NRXN1: variants seen among roughly 807,000 people sequenced by gnomAD.
The protein encoded by NRXN1 is neurexin-1.
A neutral mutation model predicts 150.9 loss-of-function variants in NRXN1; 39 were observed. The ratio of observed to expected loss-of-function variants is 0.26; its 90% CI spans 0.20 to 0.34. NRXN1 has a LOEUF of 0.34. Ranked by LOEUF, NRXN1 falls within the 10% of genes least tolerant of loss-of-function variation. The pLI is 1.00. For missense variants in NRXN1, 1,815 were observed against 1,949.9 expected, an observed-to-expected ratio of 0.93 and a Z score of 1.30; for synonymous variants, 924 against 757.0, an observed-to-expected ratio of 1.22 and a Z score of -3.62.
At chr2:50,909,467 T>G (rs1462726031) in intron 5 of NRXN1, among the ~76,000 whole-genome samples, 3 of 152,002 alleles carry the variant, frequency 2.0e-5, no homozygotes, top group Middle Eastern at 3.2e-3. Flanking sequence ...TTTCTGTGAT[T>G]TTTCTGATTG....
intron 17 of NRXN1, among the ~76,000 whole-genome samples, chr2:50,305,571 G>C (rs1405566888): frequency 6.6e-6 from 1 of 152,148 alleles, no homozygotes; most frequent in Non-Finnish European, 1.5e-5. Flanking sequence ...ATCTTAACTT[G>C]AGTCATTAAC....
intron 15 of NRXN1, among the ~76,000 whole-genome samples, chr2:50,477,517 C>T (rs2090086984): frequency 6.6e-6 from 1 of 152,118 alleles, no homozygotes; most frequent in African/African-American, 2.4e-5. Flanking sequence ...TTCCTCTTCA[C>T]TTAAAATAGG....
chr2:50,812,964 A>G (rs959540440), intron 5 of NRXN1, among the ~76,000 whole-genome samples: 3 of 152,148 alleles, frequency 2.0e-5, no homozygotes, highest in Non-Finnish European at 4.4e-5. Context: ...AAATAAAAAG[A>G]TAATTGCCTG....
chr2:50,653,423 T>C (rs946922064), intron 5 of NRXN1, among the ~76,000 whole-genome samples: 2 of 152,040 alleles, frequency 1.3e-5, no homozygotes, highest in Admixed American at 6.6e-5. Context: ...TTAGTTGCTG[T>C]GATTGATTGA....
intron 2 of NRXN1, among the ~76,000 whole-genome samples, chr2:50,958,198 C>T (rs376713092): frequency 3.9e-5 from 6 of 152,002 alleles, no homozygotes; most frequent in South Asian, 2.1e-4. Flanking sequence ...GTCAAGGGAA[C>T]GAGAGATTCC....
chr2:50,984,611 A>G (rs1697397099), intron 2 of NRXN1, among the ~76,000 whole-genome samples: 1 of 152,094 alleles, frequency 6.6e-6, no homozygotes, highest in Non-Finnish European at 1.5e-5. Context: ...AGGGATTAAT[A>G]TTTCCAAAAT....
intron 22 of NRXN1, among the ~76,000 whole-genome samples, chr2:49,931,354 C>A (rs376763355): frequency 6.6e-6 from 1 of 152,052 alleles, no homozygotes; most frequent in African/African-American, 2.4e-5. Flanking sequence ...ACTGCATTTG[C>A]TTTCCCTATG....
chr2:50,218,382 T>A (rs1203055965), intron 18 of NRXN1, among the ~76,000 whole-genome samples: 1 of 152,012 alleles, frequency 6.6e-6, no homozygotes, highest in Non-Finnish European at 1.5e-5. Context: ...CAGCTCTTAG[T>A]ATGAATACCA....
intron 17 of NRXN1, among the ~76,000 whole-genome samples, chr2:50,357,179 G>C (rs991201754): frequency 6.6e-6 from 1 of 151,988 alleles, no homozygotes; most frequent in Non-Finnish European, 1.5e-5. Context: ...TAACATAGGA[G>C]GATCACTTTA....
Position 50,053,576 on chromosome 2 carries a change from T to A in NRXN1, c.3823A>T (p.Ile1275Phe), listed in dbSNP as rs1277075596. 1 of 1,613,968 alleles carries A rather than the reference T, an allele frequency of 6.2e-7. No individual in the cohort carries two copies. The highest frequency in any genetic ancestry group is 8.5e-7 in the Non-Finnish European group (1 of 1,179,894). ...ATTATGGTTGCTTGGCTATTGAAGA[T>A]TGTGAGCTGACGCCCTGTAAAAATA... ...WLLDKGRQLT[I>F]FNSQATIIIG... is the part of the protein sequence containing the mutation. The change falls in exon 21 of 23, where the codon ATC becomes TTC. Residue 1275 changes from isoleucine to phenylalanine, a missense_variant. By Grantham distance (21) the Ile-to-Phe change is conservative. Coordinates refer to ENST00000401669, the MANE Select transcript of NRXN1 (RefSeq NM_001330078.2).
chr2:50,060,633 G>A (rs1344034907), intron 19 of NRXN1, among the ~76,000 whole-genome samples: 1 of 152,122 alleles, frequency 6.6e-6, no homozygotes, highest in East Asian at 1.9e-4. Context: ...ATCCCCATGT[G>A]TCATGGGAGA....
intron 5 of NRXN1, among the ~76,000 whole-genome samples, chr2:50,856,729 A>C (rs925995760): frequency 2.0e-5 from 3 of 152,048 alleles, no homozygotes; most frequent in Non-Finnish European, 4.4e-5. Context: ...ATGATACTTA[A>C]TTACTTTTGT....
At chr2:50,134,811 T>C (rs11125289) in intron 18 of NRXN1, among the ~76,000 whole-genome samples, 36,774 of 152,112 alleles carry the variant, frequency 0.24, 5,634 homozygotes, top group African/African-American at 0.39. Context: ...ATACCATCAT[T>C]GATGAAATTG....
chr2:50,166,321 GTGTT>G (rs1264477249), intron 18 of NRXN1, among the ~76,000 whole-genome samples: 9 of 123,070 alleles, frequency 7.3e-5, no homozygotes, highest in African/African-American at 2.9e-4. Context: ...GTGTGTGTGT[GTGTT>G]TGTGTGTGTG....
chr2:50,522,719 CAT>C lies in NRXN1; in HGVS notation c.2374+5904_2374+5905del, dbSNP rs2092822887. ...TTCCATTTATTCATTTATTTTTATT[CAT>C]TTTTTTTTTTTTTTTTTTTTTTTTT... On this transcript the variant is annotated intron_variant, in intron 12 of 22. Coordinates refer to ENST00000401669, the MANE Select transcript of NRXN1 (RefSeq NM_001330078.2). Among the ~76,000 whole-genome samples the C allele has an allele frequency of 7.6e-4, 66 of 86,550 alleles. 15 individuals carry two copies. The highest frequency in any genetic ancestry group is 3.7e-3 in the African/African-American group (62 of 16,766). 56.8% of individuals were successfully genotyped at this position (86,550 alleles called of 152,430 possible). A position where few individuals can be genotyped will look rare whatever the true frequency, so the allele number is the denominator to read the frequency against.
intron 18 of NRXN1, among the ~76,000 whole-genome samples, chr2:50,187,048 C>G (rs1438695982): frequency 6.6e-6 from 1 of 151,944 alleles, no homozygotes; most frequent in East Asian, 1.9e-4. Flanking sequence ...TCCACTAAAA[C>G]AACATAAAAT....
chr2:50,672,758 T>C (rs1028969203), intron 5 of NRXN1, among the ~76,000 whole-genome samples: 1 of 152,044 alleles, frequency 6.6e-6, no homozygotes, highest in Non-Finnish European at 1.5e-5. Flanking sequence ...AAACTGATTA[T>C]TTTGAAATTT....
At chr2:50,976,330 T>C (rs556027202) in intron 2 of NRXN1, among the ~76,000 whole-genome samples, 134 of 152,068 alleles carry the variant, frequency 8.8e-4, no homozygotes, top group African/African-American at 3.0e-3. Context: ...TTGGAACCTA[T>C]TTGCTTGAAT....
chr2:50,552,548 C>T, intron 9 of NRXN1, 39 bp downstream of exon 9: 1 of 1,494,052 alleles, frequency 6.7e-7, no homozygotes, highest in Middle Eastern at 1.7e-4. Context: ...GGGTGGGGTG[C>T]TCCAGCAGAT....
Sources: allele counts gnomAD v4.1 joint callset (sites outside exome capture counted in the v4.1 genomes callset), GRCh38; gene constraint gnomAD v4.1.1; transcripts MANE v1.5; gene names NCBI Gene and HGNC (gene_info 2026-07-23, HGNC 2026-07-21).